MINDY3: variants seen among roughly 807,000 people sequenced by gnomAD.
The protein encoded by MINDY3 is MINDY lysine 48 deubiquitinase 3, also known as ubiquitin carboxyl-terminal hydrolase MINDY-3.
Under a neutral mutation model 69.2 loss-of-function variants are expected in MINDY3, and 38 were observed. The ratio of observed to expected loss-of-function variants is 0.55; its 90% CI spans 0.42 to 0.72. The LOEUF (loss-of-function observed/expected upper bound fraction) is 0.72. Ranked by LOEUF, MINDY3 falls within the 30% of genes least tolerant of loss-of-function variation. The pLI is 0.00. For missense variants in MINDY3, 522 were observed against 519.0 expected, an observed-to-expected ratio of 1.01 and a Z score of -0.06; for synonymous variants, 192 against 180.1, an observed-to-expected ratio of 1.07 and a Z score of -0.53.
At chr10:15,828,601 T>C (rs1369390436) in intron 8 of MINDY3, among the ~76,000 whole-genome samples, 4 of 150,578 alleles carry the variant, frequency 2.7e-5, no homozygotes, top group African/African-American at 9.8e-5. Flanking sequence ...AATTAACAGA[T>C]GCCTAAAATT....
intron 9 of MINDY3, chr10:15,817,974 A>G (rs1206041427): frequency 1.3e-5 from 2 of 152,258 alleles, no homozygotes; most frequent in Admixed American, 6.5e-5. Context: ...ATGTTGAGCC[A>G]GTAAAGTAGG....
chr10:15,814,720 G>T (rs1254767831), intron 10 of MINDY3, among the ~76,000 whole-genome samples: 2 of 152,102 alleles, frequency 1.3e-5, no homozygotes, highest in African/African-American at 4.8e-5. Context: ...AAAACAGTAT[G>T]GGAATTAGAA....
chr10:15,783,549 A>C (rs1836716646), intron 13 of MINDY3, among the ~76,000 whole-genome samples: 1 of 152,104 alleles, frequency 6.6e-6, no homozygotes, highest in African/African-American at 2.4e-5. Context: ...TTTCCTGGAC[A>C]CACTAGTTAG....
chr10:15,823,283 A>C (rs1839890249), intron 8 of MINDY3, among the ~76,000 whole-genome samples: 1 of 152,330 alleles, frequency 6.6e-6, no homozygotes, highest in South Asian at 2.1e-4. Flanking sequence ...AGGATTCCTC[A>C]GGGACCACAA....
chr10:15,847,690 G>A (rs779633691), intron 2 of MINDY3, among the ~76,000 whole-genome samples, 174 bp downstream of exon 2: 9 of 152,156 alleles, frequency 5.9e-5, no homozygotes, highest in Non-Finnish European at 1.0e-4. Context: ...ACAACTCATC[G>A]ATATGGTGAA....
At chr10:15,806,948 C>T (rs1170472416) in intron 10 of MINDY3, among the ~76,000 whole-genome samples, 1 of 152,098 alleles carries the variant, frequency 6.6e-6, no homozygotes, top group Non-Finnish European at 1.5e-5. Context: ...GAGTTGTTTT[C>T]TTAAGGGAGG....
At chr10:15,790,630 A>T (rs1837336523) in intron 11 of MINDY3, among the ~76,000 whole-genome samples, 1 of 152,122 alleles carries the variant, frequency 6.6e-6, no homozygotes, top group African/African-American at 2.4e-5. Flanking sequence ...TTCTGTGTTT[A>T]TAGGCTATAT....
At chr10:15,829,188 C>T (rs890230196) in intron 8 of MINDY3, among the ~76,000 whole-genome samples, 18 of 151,980 alleles carry the variant, frequency 1.2e-4, no homozygotes, top group African/African-American at 4.3e-4. Flanking sequence ...TTCCTGCTGT[C>T]GGGGTTAAGT....
chr10:15,837,542 T>C, intron 5 of MINDY3: 1 of 1,427,656 alleles, frequency 7.0e-7, no homozygotes, highest in South Asian at 1.2e-5. Context: ...GAACACCTAC[T>C]TGGCAGGGAA....
intron 1 of MINDY3, among the ~76,000 whole-genome samples, chr10:15,853,934 T>C (rs79699716): frequency 0.035 from 5,351 of 152,194 alleles, 279 homozygotes; most frequent in African/African-American, 0.12. Flanking sequence ...CTCTGACAGC[T>C]TCTCAATGCT....
chr10:15,796,941 C>CT (rs913431723), intron 10 of MINDY3, among the ~76,000 whole-genome samples: 2 of 152,078 alleles, frequency 1.3e-5, no homozygotes, highest in African/African-American at 4.8e-5. Flanking sequence ...CTCTGGTTAG[C>CT]TTTTACCTAT....
At chr10:15,838,347 C>A (rs975145752) in intron 4 of MINDY3, 68 bp from the exon 5 acceptor site, 28 of 1,354,338 alleles carry the variant, frequency 2.1e-5, no homozygotes, top group Non-Finnish European at 2.8e-5. Flanking sequence ...ACACAGCAGG[C>A]TGTAAATACT....
At chr10:15,842,187 G>A (rs1833516068) in intron 3 of MINDY3, among the ~76,000 whole-genome samples, 1 of 151,594 alleles carries the variant, frequency 6.6e-6, no homozygotes, top group African/African-American at 2.4e-5. Context: ...ATGAACCTTA[G>A]CCACACTCTT....
At chr10:15,804,675 A>G (rs1564475112) in intron 10 of MINDY3, among the ~76,000 whole-genome samples, 1 of 152,208 alleles carries the variant, frequency 6.6e-6, no homozygotes, top group Non-Finnish European at 1.5e-5. Flanking sequence ...TTTACCTTTA[A>G]GCAAAATTTT....
rs369338994 is a variant in MINDY3 at position 15,860,480 on chromosome 10, G to A, written c.-181C>T. The A allele has an allele frequency of 1.6e-5, 10 of 613,110 alleles. No homozygotes were observed. The highest frequency in any genetic ancestry group is 1.1e-4 in the African/African-American group (6 of 53,114). 38.0% of individuals were successfully genotyped at this position (613,110 alleles called of 1,614,324 possible). A position where few individuals can be genotyped will look rare whatever the true frequency, so the allele number is the denominator to read the frequency against. On this transcript the variant is annotated 5_prime_UTR_variant, in exon 1 of 15. Transcript: ENST00000277632. ...ACCAAGCCTGTCAAGCCAGGTTGGG[G>A]CAGCAGCGAGTTTTCCGTACCGGAA...
At chr10:15,795,366 A>T (rs1482175729) in intron 11 of MINDY3, among the ~76,000 whole-genome samples, 1 of 152,094 alleles carries the variant, frequency 6.6e-6, no homozygotes, top group Non-Finnish European at 1.5e-5. Context: ...CACTAAGTGT[A>T]CAAAGTTTCA....
intron 1 of MINDY3, among the ~76,000 whole-genome samples, chr10:15,859,732 A>G (rs955051051): frequency 6.6e-6 from 1 of 152,236 alleles, no homozygotes; most frequent in Non-Finnish European, 1.5e-5. Context: ...ACATAATGAC[A>G]ATACAAACAA....
Position 15,779,082 on chromosome 10 carries a change from T to C in MINDY3, c.1248A>G (p.Thr416=). The C allele has an allele frequency of 6.2e-7, 1 of 1,613,682 alleles. No homozygotes were observed. The highest frequency in any genetic ancestry group is 8.5e-7 in the Non-Finnish European group (1 of 1,179,772). ...GACAGCGTTTAATAGGAGTGTCATC[T>C]GTCTGTAGCATGGGATCTTCAAAAC... ...VMGFEDPMLQ[T]DDTPIKRCLQ... The change falls in exon 15 of 15, where the codon ACA becomes ACG. Residue 416 remains threonine (T), a synonymous_variant. Coordinates refer to ENST00000277632, the MANE Select transcript of MINDY3 (RefSeq NM_024948.4).
chr10:15,840,364 C>T (rs1183070958), intron 4 of MINDY3, among the ~76,000 whole-genome samples: 2 of 151,526 alleles, frequency 1.3e-5, no homozygotes, highest in African/African-American at 2.4e-5. Flanking sequence ...AAGGAAGCAT[C>T]ATATAGCTGT....
Sources: allele counts gnomAD v4.1 joint callset (sites outside exome capture counted in the v4.1 genomes callset), GRCh38; gene constraint gnomAD v4.1.1; transcripts MANE v1.5; gene names NCBI Gene and HGNC (gene_info 2026-07-23, HGNC 2026-07-21).